TMPRSS12: variants seen among roughly 807,000 people sequenced by gnomAD.
TMPRSS12 encodes the protein transmembrane serine protease 12, also known as transmembrane protease serine 12.
In TMPRSS12, 25 loss-of-function variants were observed where a neutral mutation model predicts 26.0. That is an observed-to-expected ratio of 0.96 (90% CI 0.70 to 1.34). The LOEUF (loss-of-function observed/expected upper bound fraction) is 1.34, where lower values mean the gene tolerates loss of function less well. Among genes scored for constraint, TMPRSS12 ranks in the 40% most tolerant of loss-of-function variants. TMPRSS12 has a pLI of 0.00. For missense variants in TMPRSS12, 441 were observed against 440.1 expected, an observed-to-expected ratio of 1.00 and a Z score of -0.02; for synonymous variants, 150 against 161.7, an observed-to-expected ratio of 0.93 and a Z score of 0.55.
rs1223314720 is a variant in TMPRSS12 at position 50,858,879 on chromosome 12, C to T, written c.478C>T (p.His160Tyr). The change falls in exon 3 of 5, where the codon CAT becomes TAT. Residue 160 changes from histidine (H) to tyrosine (Y), a missense_variant. His to Tyr is a moderately conservative substitution (Grantham distance 83). Coordinates refer to ENST00000398458, the MANE Select transcript of TMPRSS12 (RefSeq NM_182559.3). ...KKIKIKAIII[H>Y]PNFILESYVN... Reference sequence around the variant, plus strand: ...GATAAAAATTAAAGCAATCATTATTCATCCAAACTTCATTTTGGAATCTTA... The same window carrying T: ...GATAAAAATTAAAGCAATCATTATTTATCCAAACTTCATTTTGGAATCTTA... 1 of 1,596,046 alleles carries T rather than the reference C, an allele frequency of 6.3e-7. No individual in the cohort carries two copies. The highest frequency in any genetic ancestry group is 2.2e-5 in the East Asian group (1 of 44,472).
At chr12:50,868,342 A>G (rs1938010742) in intron 3 of TMPRSS12, among the ~76,000 whole-genome samples, 1 of 152,246 alleles carries the variant, frequency 6.6e-6, no homozygotes. Flanking sequence ...GAGCAGGGAT[A>G]GCTATTTTCA....
intron 3 of TMPRSS12, among the ~76,000 whole-genome samples, chr12:50,878,196 T>TG (rs1189240105): frequency 2.1e-4 from 26 of 123,758 alleles, no homozygotes; most frequent in Non-Finnish European, 4.0e-4. Context: ...AAAATTATTT[T>TG]GGGGAAAAAA....
intron 3 of TMPRSS12, among the ~76,000 whole-genome samples, chr12:50,880,277 A>G (rs890612228): frequency 6.6e-6 from 1 of 152,172 alleles, no homozygotes; most frequent in African/African-American, 2.4e-5. Flanking sequence ...AGTCCCAGCT[A>G]CTTGAGAGGC....
rs894385447 is a variant in TMPRSS12, at chr12:50,856,635, T to C, written c.384-2150T>C. Among the ~76,000 whole-genome samples the C allele has an allele frequency of 5.1e-4, 10 of 19,448 alleles. No homozygotes were observed. In the South Asian group the frequency reaches 0.051, roughly 98 times the overall value. 12.8% of individuals were successfully genotyped at this position (19,448 alleles called of 152,430 possible). On this transcript the variant is annotated intron_variant, in intron 2 of 4. Coordinates refer to ENST00000398458, the MANE Select transcript of TMPRSS12 (RefSeq NM_182559.3). ...CAAATGATAAGTGTATCTGCTGTTTTATATTAAAAAAAAAATAAGTAGAAC... is the reference window on the plus strand; with the variant it reads ...CAAATGATAAGTGTATCTGCTGTTTCATATTAAAAAAAAAATAAGTAGAAC...
intron 2 of TMPRSS12, among the ~76,000 whole-genome samples, chr12:50,853,408 A>G (rs963117497): frequency 5.3e-5 from 8 of 152,100 alleles, no homozygotes; most frequent in Non-Finnish European, 1.0e-4. Context: ...CATCATACCT[A>G]GAGGAATGAG....
intron 2 of TMPRSS12, among the ~76,000 whole-genome samples, chr12:50,846,233 T>C (rs1318322688): frequency 3.9e-5 from 6 of 152,200 alleles, no homozygotes; most frequent in Non-Finnish European, 4.4e-5. Flanking sequence ...ATCACGAAGC[T>C]TTTCCCCTAT....
At chr12:50,847,320 G>A (rs1013836376) in intron 2 of TMPRSS12, among the ~76,000 whole-genome samples, 14 of 152,030 alleles carry the variant, frequency 9.2e-5, no homozygotes, top group Admixed American at 8.5e-4. Flanking sequence ...GCCTCCCAAA[G>A]TGCTGGGATT....
chr12:50,870,656 C>T, intron 3 of TMPRSS12, among the ~76,000 whole-genome samples: 1 of 152,098 alleles, frequency 6.6e-6, no homozygotes, highest in Non-Finnish European at 1.5e-5. Flanking sequence ...AAGAGGAAGT[C>T]AAAGTGTCAC....
chr12:50,882,286 TAAA>T (rs59323134), intron 3 of TMPRSS12, among the ~76,000 whole-genome samples: 11,837 of 57,810 alleles, frequency 0.2, 424 homozygotes, highest in East Asian at 0.33. Flanking sequence ...CCCATCTCTC[TAAA>T]AAAAAAAAAA....
At chr12:50,845,330 T>C (rs1937757490) in intron 2 of TMPRSS12, among the ~76,000 whole-genome samples, 1 of 152,194 alleles carries the variant, frequency 6.6e-6, no homozygotes, top group South Asian at 2.1e-4. Flanking sequence ...GACACCATTC[T>C]CTACTTTTTT....
chr12:50,856,774 C>T (rs1483861542), intron 2 of TMPRSS12, among the ~76,000 whole-genome samples: 1 of 152,124 alleles, frequency 6.6e-6, no homozygotes, highest in Non-Finnish European at 1.5e-5. Flanking sequence ...CAGCCTTAAC[C>T]TCCTGGGCTC....
intron 2 of TMPRSS12, among the ~76,000 whole-genome samples, chr12:50,856,821 G>C (rs907259893): frequency 6.6e-6 from 1 of 151,530 alleles, no homozygotes. Flanking sequence ...AAGTAGGTGG[G>C]ACTACAGGCA....
At position 50,858,837 on chromosome 12, in the gene TMPRSS12, T is replaced by A. The variant is rs1225123743; in HGVS notation, c.436T>A (p.Tyr146Asn). Reference sequence around the variant, plus strand: ...TGGAACTAATAATATACATGGACGCTATCCTCATACCAAGAAGATAAAAAT... The same window carrying A: ...TGGAACTAATAATATACATGGACGCAATCCTCATACCAAGAAGATAAAAAT... ...VIGTNNIHGR[Y>N]PHTKKIKIKA... is the part of the protein sequence containing the mutation. The change falls in exon 3 of 5, where the codon TAT becomes AAT. Residue 146 changes from tyrosine (Y) to asparagine (N), a missense_variant. Coordinates refer to ENST00000398458, the MANE Select transcript of TMPRSS12 (RefSeq NM_182559.3). 9.3e-6 allele frequency: 15 copies of A among 1,609,462 alleles called. No individual in the cohort carries two copies. The highest frequency in any genetic ancestry group is 1.3e-5 in the Non-Finnish European group (15 of 1,177,662).
chr12:50,885,804 C>T, intron 4 of TMPRSS12: 1 of 339,998 alleles, frequency 2.9e-6, no homozygotes, highest in Non-Finnish European at 5.3e-6. Context: ...TACAGGCACA[C>T]ATCACTATGC....
At chr12:50,859,547 A>G (rs892051085) in intron 3 of TMPRSS12, among the ~76,000 whole-genome samples, 3 of 152,164 alleles carry the variant, frequency 2.0e-5, no homozygotes, top group South Asian at 2.1e-4. Flanking sequence ...TAGTAAAGAC[A>G]GGGTTTCACC....
intron 2 of TMPRSS12, among the ~76,000 whole-genome samples, chr12:50,850,690 G>A (rs1300756064): frequency 6.6e-6 from 1 of 152,132 alleles, no homozygotes. Flanking sequence ...CACCACCAGT[G>A]CACACACACA....
rs114165889 is a variant in TMPRSS12, at chr12:50,871,173, A to C, written c.652+12120A>C. On this transcript the variant is annotated intron_variant, in intron 3 of 4. Transcript: ENST00000398458. Reference sequence around the variant, plus strand: ...AAGCAAAAAGAACAAATCTAGAGGCATCAAACAACCTGATTTCAAACTATA... The same window carrying C: ...AAGCAAAAAGAACAAATCTAGAGGCCTCAAACAACCTGATTTCAAACTATA... Among the ~76,000 whole-genome samples, 1,003 of 152,326 alleles carry C rather than the reference A, an allele frequency of 6.6e-3. 11 individuals are homozygous for C. The highest frequency in any genetic ancestry group is 0.023 in the African/African-American group (973 of 41,570).
At position 50,843,043 on chromosome 12, in the gene TMPRSS12, G is replaced by A. The variant is rs769485913; in HGVS notation, c.79G>A (p.Gly27Arg). 10 of 1,604,324 alleles carry A rather than the reference G, an allele frequency of 6.2e-6. No homozygotes were observed. The Middle Eastern group carries it at 6.6e-4, about 106-fold the overall frequency. ...ATACTCAGACCACTACTCGCCCTCT[G>A]GAAGGCACAGGCTCGGCCCCTCGCC... ...HLYSDHYSPS[G>R]RHRLGPSPEP... The change falls in exon 1 of 5, where the codon GGA (glycine) becomes AGA (arginine). Residue 27 changes from glycine (G) to arginine (R), a missense_variant. By Grantham distance (125) the Gly-to-Arg change is moderately radical. Transcript: ENST00000398458.
At chr12:50,853,037 C>G (rs2139721984) in intron 2 of TMPRSS12, among the ~76,000 whole-genome samples, 1 of 152,260 alleles carries the variant, frequency 6.6e-6, no homozygotes, top group South Asian at 2.1e-4. Context: ...TTTTTGTAAT[C>G]CACACATAAC....
Sources: gnomAD v4.1 joint callset for allele counts (sites outside exome capture counted in the v4.1 genomes callset) on GRCh38, gnomAD v4.1.1 for gene constraint, MANE v1.5 for transcripts, NCBI Gene and HGNC (gene_info 2026-07-23, HGNC 2026-07-21) for gene names.